The following CLASP2 variants were observed in gnomAD, a reference collection of about 807,000 sequenced individuals.
The protein encoded by CLASP2 is cytoplasmic linker associated protein 2.
Under a neutral mutation model 194.4 loss-of-function variants are expected in CLASP2, and 47 were observed. The observed-to-expected ratio is 0.24, with a 90% CI of 0.19 to 0.31. The LOEUF (loss-of-function observed/expected upper bound fraction) is 0.31. CLASP2 is among the 10% of genes least tolerant of loss of function. CLASP2 has a pLI of 1.00. For missense variants in CLASP2, 1,445 were observed against 1,823.6 expected, an observed-to-expected ratio of 0.79 and a Z score of 3.78; for synonymous variants, 619 against 633.5, an observed-to-expected ratio of 0.98 and a Z score of 0.34.
At chr3:33,536,415 A>G (rs1363448033) in intron 33 of CLASP2, among the ~76,000 whole-genome samples, 1 of 152,222 alleles carries the variant, frequency 6.6e-6, no homozygotes. Flanking sequence ...TAAGGGAATC[A>G]GCCAAGGGGC....
chr3:33,581,975 C>G lies in CLASP2; in HGVS notation c.2240-47G>C, dbSNP rs754073043. 10 of 1,358,214 alleles carry G rather than the reference C, an allele frequency of 7.4e-6. No homozygotes were observed. The South Asian group carries it at 1.2e-4, about 16-fold the overall frequency. 84.1% of individuals were successfully genotyped at this position (1,358,214 alleles called of 1,614,324 possible). A position where few individuals can be genotyped will look rare whatever the true frequency, so the allele number is the denominator to read the frequency against. ...ACACACAGTAAGGGAGAAAACAGAA[C>G]AGAGTTTGCATTTTAAAAAATTTTG... is the stretch of plus-strand genomic sequence containing the variant. On this transcript the variant is annotated intron_variant, in intron 22 of 38. Coordinates refer to ENST00000682230, the MANE Select transcript of CLASP2 (RefSeq NM_001365631.1).
chr3:33,633,579 T>C (rs1577508723), intron 8 of CLASP2, among the ~76,000 whole-genome samples: 1 of 152,114 alleles, frequency 6.6e-6, no homozygotes, highest in Non-Finnish European at 1.5e-5. Context: ...GATATTAGAA[T>C]TGTCCAGTAC....
intron 14 of CLASP2, among the ~76,000 whole-genome samples, chr3:33,607,677 A>G (rs2074196934): frequency 6.6e-6 from 1 of 152,174 alleles, no homozygotes; most frequent in African/African-American, 2.4e-5. Context: ...CAATCCAATT[A>G]TTATAAATCT....
intron 16 of CLASP2, 41 bp downstream of exon 16, chr3:33,606,550 G>A (rs2073891408): frequency 6.5e-7 from 1 of 1,528,570 alleles, no homozygotes; most frequent in South Asian, 1.2e-5. Flanking sequence ...AGGGAGTTGA[G>A]GAGAGGAAGA....
chr3:33,501,961 C>CGCCCTCACTGTTA (rs1232792432), intron 37 of CLASP2, 193 bp from the exon 38 acceptor site: 3 of 533,824 alleles, frequency 5.6e-6, no homozygotes, highest in Non-Finnish European at 1.0e-5. Context: ...TCCCCTACTG[C>CGCCCTCACTGTTA]GCCCTCACTG....
chr3:33,589,349 C>T (rs1287245080), intron 21 of CLASP2, among the ~76,000 whole-genome samples: 1 of 151,924 alleles, frequency 6.6e-6, no homozygotes, highest in Non-Finnish European at 1.5e-5. Context: ...CAGAACACAC[C>T]TGCTTTGATC....
At chr3:33,578,509 C>T (rs766590602) in intron 23 of CLASP2, among the ~76,000 whole-genome samples, 4 of 152,120 alleles carry the variant, frequency 2.6e-5, no homozygotes, top group Non-Finnish European at 5.9e-5. Flanking sequence ...ACATGAGTCA[C>T]TCTTTTGTTT....
rs2049885305 is a variant in CLASP2, at chr3:33,511,717, A to ACTTTGG, written c.4111-954_4111-953insCCAAAG. ...AGTCTTAAGAACACGTAAAAATAAA[A>ACTTTGG]CAAACAACCCCATCAAAAAGTGGGC... On this transcript the variant is annotated intron_variant, in intron 36 of 38. Transcript: ENST00000682230. 7.0e-5 allele frequency among the ~76,000 whole-genome samples: 5 copies of ACTTTGG among 71,050 alleles called. 2 individuals carry two copies. The highest frequency in any genetic ancestry group is 6.0e-5 in the Non-Finnish European group (2 of 33,390). The allele number at this position is 71,050 out of a possible 152,430, so 46.6% of individuals were successfully genotyped here.
intron 30 of CLASP2, among the ~76,000 whole-genome samples, chr3:33,546,359 C>A (rs1293966254): frequency 6.6e-6 from 1 of 152,178 alleles, no homozygotes; most frequent in Non-Finnish European, 1.5e-5. Flanking sequence ...ACTAACACCA[C>A]ATGACTTAAA....
At chr3:33,672,332 C>A (rs1421362814) in intron 6 of CLASP2, among the ~76,000 whole-genome samples, 1 of 152,226 alleles carries the variant, frequency 6.6e-6, no homozygotes, top group Non-Finnish European at 1.5e-5. Context: ...CCCAGGCAAA[C>A]AGGGTCTGGA....
At chr3:33,637,516 A>T (rs2080383042) in intron 8 of CLASP2, among the ~76,000 whole-genome samples, 1 of 152,218 alleles carries the variant, frequency 6.6e-6, no homozygotes, top group Non-Finnish European at 1.5e-5. Flanking sequence ...CCTTAGCAAG[A>T]GAGCAAGACT....
intron 34 of CLASP2, among the ~76,000 whole-genome samples, chr3:33,531,362 C>A (rs1052821023): frequency 3.9e-5 from 6 of 152,094 alleles, no homozygotes; most frequent in Non-Finnish European, 8.8e-5. Context: ...AAATAAACAA[C>A]CTGATTCAAA....
At chr3:33,620,339 A>C (rs2076908994) in intron 11 of CLASP2, among the ~76,000 whole-genome samples, 1 of 152,208 alleles carries the variant, frequency 6.6e-6, no homozygotes, top group African/African-American at 2.4e-5. Context: ...TTGTGTACTT[A>C]AACAACTAAA....
Position 33,602,747 on chromosome 3 carries a change from T to C in CLASP2, c.1924+205A>G, listed in dbSNP as rs2072615746. 4.4e-6 allele frequency: 3 copies of C among 683,998 alleles called. No homozygotes were observed. In the East Asian group the frequency reaches 8.1e-5, roughly 18 times the overall value. 42.4% of individuals were successfully genotyped at this position (683,998 alleles called of 1,614,324 possible). A position where few individuals can be genotyped will look rare whatever the true frequency, so the allele number is the denominator to read the frequency against. ...ATGGATTCAAGAATTGTTTCTTTGA[T>C]CAAGACGATGATGAGAACAAGGGAA... On this transcript the variant is annotated intron_variant, in intron 18 of 38. Transcript: ENST00000682230.
intron 26 of CLASP2, 71 bp downstream of exon 26, chr3:33,570,656 C>T (rs1482056504): frequency 6.5e-7 from 1 of 1,541,054 alleles, no homozygotes; most frequent in Non-Finnish European, 8.8e-7. Context: ...AAATGGCCTA[C>T]AGTTTTTCTG....
chr3:33,691,547 G>A (rs1279892820), intron 2 of CLASP2, among the ~76,000 whole-genome samples: 1 of 152,136 alleles, frequency 6.6e-6, no homozygotes, highest in Non-Finnish European at 1.5e-5. Flanking sequence ...AGAATCATAA[G>A]TCTAATTATG....
In CLASP2 at chr3:33,496,294, A is replaced by C. The variant is rs2045765772; in HGVS notation, c.*2337T>G. Reference sequence around the variant, plus strand: ...TTAATTAGTTCTCAGCAGTGCAGTAAATGAACAACACTTATTAATAATTAA... The same window carrying C: ...TTAATTAGTTCTCAGCAGTGCAGTACATGAACAACACTTATTAATAATTAA... On this transcript the variant is annotated 3_prime_UTR_variant, in exon 39 of 39. Coordinates refer to ENST00000682230, the MANE Select transcript of CLASP2 (RefSeq NM_001365631.1). 2 of 152,230 alleles carry C rather than the reference A, an allele frequency of 1.3e-5. No individual in the cohort carries two copies. The highest frequency in any genetic ancestry group is 4.1e-4 in the South Asian group (2 of 4,834). 9.4% of individuals were successfully genotyped at this position (152,230 alleles called of 1,614,324 possible). A position where few individuals can be genotyped will look rare whatever the true frequency, so the allele number is the denominator to read the frequency against.
At chr3:33,716,871 T>C (rs994265943) in intron 1 of CLASP2, among the ~76,000 whole-genome samples, 3 of 152,242 alleles carry the variant, frequency 2.0e-5, no homozygotes, top group Non-Finnish European at 4.4e-5. Context: ...GGTTTCAAAG[T>C]ACAGCCTATT....
Position 33,581,910 on chromosome 3 carries a change from G to A in CLASP2, c.2258C>T (p.Pro753Leu). Reference sequence around the variant, plus strand: ...GCATCCTTGACTCACACTTGGTCGAGGAATACGACTGCTTCGGGCTGGTGT... The same window carrying A: ...GCATCCTTGACTCACACTTGGTCGAAGAATACGACTGCTTCGGGCTGGTGT... ...RLSVARSSRI[P>L]RPSVSQGCSR... Residue 753 changes from proline to leucine, a missense_variant, in exon 23 of 39, where the codon CCT becomes CTT. This residue lies in a region of CLASP2 where 732 missense variants were observed against 987.9 expected (regional missense o/e 0.74). Transcript: ENST00000682230. 1 of 1,613,310 alleles carries A rather than the reference G, an allele frequency of 6.2e-7. No homozygotes were observed. The highest frequency in any genetic ancestry group is 8.5e-7 in the Non-Finnish European group (1 of 1,179,510).
Sources: gnomAD v4.1 joint callset for allele counts (sites outside exome capture counted in the v4.1 genomes callset) on GRCh38, gnomAD v4.1.1 for gene constraint, gnomAD v4.1.1 regional missense constraint, MANE v1.5 for transcripts, NCBI Gene and HGNC (gene_info 2026-07-23, HGNC 2026-07-21) for gene names.